Variants in PPP6R3 observed in about 807,000 individuals in gnomAD.
PPP6R3 encodes serine/threonine-protein phosphatase 6 regulatory subunit 3.
In PPP6R3, 38 loss-of-function variants were observed where a neutral mutation model predicts 110.7. That is an observed-to-expected ratio of 0.34 (90% CI 0.26 to 0.45). PPP6R3 has a LOEUF of 0.45. PPP6R3 is among the 20% of genes least tolerant of loss of function. The probability of loss-of-function intolerance (pLI) is 1.00; values close to 1 mark genes in which losing one functional copy is unlikely to be tolerated. For synonymous variants in PPP6R3, 369 were observed against 373.5 expected, an observed-to-expected ratio of 0.99 and a Z score of 0.14; for missense variants, 870 against 1,062.4, an observed-to-expected ratio of 0.82 and a Z score of 2.52.
chr11:68,596,347 A>C (rs1405926610), intron 19 of PPP6R3, 129 bp downstream of exon 19: 2 of 1,284,018 alleles, frequency 1.6e-6, no homozygotes, highest in African/African-American at 1.5e-5. Context: ...GCGTGTTGTC[A>C]AGTGAATTCC....
rs1450944056 is a variant in PPP6R3 at position 68,587,956 on chromosome 11, G to A, written c.1662G>A (p.Met554Ile). ...QAFSDYQMQQ[M>I]TSNFIDQFGF... ...TTTCTGATTATCAGATGCAACAAATGACGTCCAATTTTATTGACCAGTTTG... is the reference window on the plus strand; with the variant it reads ...TTTCTGATTATCAGATGCAACAAATAACGTCCAATTTTATTGACCAGTTTG... The change falls in exon 16 of 24, where the codon ATG becomes ATA. Residue 554 changes from methionine (M) to isoleucine (I), a missense_variant. Coordinates refer to ENST00000393800, the MANE Select transcript of PPP6R3 (RefSeq NM_001164161.2). 2 of 1,614,196 alleles carry A rather than the reference G, an allele frequency of 1.2e-6. No homozygotes were observed. Among genetic ancestry groups the A allele is most frequent in the Non-Finnish European group, 1.7e-6 (2 of 1,180,036 alleles).
intron 14 of PPP6R3, among the ~76,000 whole-genome samples, chr11:68,576,826 T>C (rs2099533500): frequency 6.6e-6 from 1 of 152,290 alleles, no homozygotes; most frequent in Non-Finnish European, 1.5e-5. Context: ...GAATTTCTAA[T>C]ATGCAGTAAC....
chr11:68,509,379 A>G (rs1347905272), intron 1 of PPP6R3, among the ~76,000 whole-genome samples: 1 of 151,950 alleles, frequency 6.6e-6, no homozygotes, highest in Non-Finnish European at 1.5e-5. Flanking sequence ...TGATTTCTTC[A>G]ACCGTGCTTG....
At chr11:68,564,185 C>CT in intron 8 of PPP6R3, 118 bp from the exon 9 acceptor site, 2 of 1,111,346 alleles carry the variant, frequency 1.8e-6, no homozygotes, top group Non-Finnish European at 1.3e-6. Context: ...TTTTCCTAGC[C>CT]TTTTTTCCCG....
chr11:68,588,360 TGTG>T (rs1384656851), intron 16 of PPP6R3, among the ~76,000 whole-genome samples: 2 of 151,958 alleles, frequency 1.3e-5, no homozygotes, highest in Admixed American at 6.6e-5. Flanking sequence ...ATTAGCCAGT[TGTG>T]GTGGCAGGCA....
rs183055253 is a variant in PPP6R3, at chr11:68,566,599, G to A, written c.976-415G>A. Reference sequence around the variant, plus strand: ...TGGTCTCAAACTCCTGGGTTCAAGCGATCCACCCACCTCGGCCTCTCAAAG... The same window carrying A: ...TGGTCTCAAACTCCTGGGTTCAAGCAATCCACCCACCTCGGCCTCTCAAAG... On this transcript the variant is annotated intron_variant, in intron 9 of 23. Coordinates refer to ENST00000393800, the MANE Select transcript of PPP6R3 (RefSeq NM_001164161.2). 2.6e-4 allele frequency among the ~76,000 whole-genome samples: 39 copies of A among 152,186 alleles called. No individual in the cohort carries two copies. In the East Asian group the frequency reaches 6.7e-3, roughly 26 times the overall value.
chr11:68,474,259 T>C (rs1051392721), intron 1 of PPP6R3, among the ~76,000 whole-genome samples: 14 of 152,206 alleles, frequency 9.2e-5, no homozygotes, highest in Admixed American at 9.2e-4. Flanking sequence ...TTGCCTAGGC[T>C]GGTCTCGAAC....
intron 1 of PPP6R3, among the ~76,000 whole-genome samples, chr11:68,517,893 G>C (rs990824123): frequency 8.3e-4 from 125 of 151,446 alleles, no homozygotes; most frequent in African/African-American, 2.8e-3. Flanking sequence ...AGCTGAGATT[G>C]CACCACTGCA....
intron 1 of PPP6R3, among the ~76,000 whole-genome samples, chr11:68,516,332 C>CT (rs1369004802): frequency 6.6e-6 from 1 of 152,156 alleles, no homozygotes; most frequent in African/African-American, 2.4e-5. Flanking sequence ...CCTCATGTGA[C>CT]TGGTTGCAGT....
chr11:68,463,540 G>A (rs2098723569), intron 1 of PPP6R3, among the ~76,000 whole-genome samples: 1 of 151,974 alleles, frequency 6.6e-6, no homozygotes, highest in African/African-American at 2.4e-5. Context: ...TTGTGTGTGT[G>A]TGTGTTTTGG....
At chr11:68,573,456 C>T (rs772747404) in intron 12 of PPP6R3, among the ~76,000 whole-genome samples, 3 of 151,768 alleles carry the variant, frequency 2.0e-5, no homozygotes, top group Non-Finnish European at 2.9e-5. Flanking sequence ...TGGCCTGATA[C>T]GAATTAAGTG....
At chr11:68,588,221 G>A (rs774149931) in intron 16 of PPP6R3, among the ~76,000 whole-genome samples, 197 bp downstream of exon 16, 14 of 152,104 alleles carry the variant, frequency 9.2e-5, no homozygotes, top group Non-Finnish European at 1.8e-4. Context: ...TGCAGTGGCC[G>A]GGTGCGGTGG....
At chr11:68,556,854 T>C (rs1404560436) in intron 7 of PPP6R3, among the ~76,000 whole-genome samples, 3 of 152,226 alleles carry the variant, frequency 2.0e-5, no homozygotes, top group African/African-American at 7.2e-5. Flanking sequence ...ATTGTGGTAT[T>C]GTATTTTGAC....
chr11:68,523,764 T>A (rs1197857017), intron 2 of PPP6R3, among the ~76,000 whole-genome samples: 1 of 141,704 alleles, frequency 7.1e-6, no homozygotes, highest in Non-Finnish European at 1.5e-5. Context: ...TAGATTATAA[T>A]ATGTTATTCT....
At chr11:68,551,029 A>T in intron 5 of PPP6R3, 92 bp from the exon 6 acceptor site, 1 of 902,726 alleles carries the variant, frequency 1.1e-6, no homozygotes. Context: ...TCTACTTAAA[A>T]TGTGATGGAT....
In PPP6R3 at chr11:68,576,075, T is replaced by A. The variant is rs745697993; in HGVS notation, c.1545+32T>A. ...TTTACAAGGTTACATTTTTATTCTTTCAGTGCTCTTAGCCTTTGCCCATTT... is the reference window on the plus strand; with the variant it reads ...TTTACAAGGTTACATTTTTATTCTTACAGTGCTCTTAGCCTTTGCCCATTT... On this transcript the variant is annotated intron_variant, in intron 14 of 23. Coordinates refer to ENST00000393800, the MANE Select transcript of PPP6R3 (RefSeq NM_001164161.2). The A allele has an allele frequency of 4.7e-6, 7 of 1,474,836 alleles. No individual in the cohort carries two copies. The African/African-American group carries it at 9.8e-5, about 21-fold the overall frequency. 91.4% of individuals were successfully genotyped at this position (1,474,836 alleles called of 1,614,324 possible). A position where few individuals can be genotyped will look rare whatever the true frequency, so the allele number is the denominator to read the frequency against.
At chr11:68,562,830 A>G (rs1221010071) in intron 8 of PPP6R3, among the ~76,000 whole-genome samples, 1 of 152,246 alleles carries the variant, frequency 6.6e-6, no homozygotes, top group African/African-American at 2.4e-5. Flanking sequence ...TTTGTCTCAG[A>G]GTCATGTACA....
chr11:68,481,797 ATTTTGCTTGCT>A (rs1429403311), intron 1 of PPP6R3, among the ~76,000 whole-genome samples: 3 of 152,002 alleles, frequency 2.0e-5, no homozygotes, highest in Non-Finnish European at 4.4e-5. Context: ...GTGTGTCTTT[ATTTTGCTTGCT>A]GAGTCCCTGC....
chr11:68,600,970 A>G (rs190389306), intron 20 of PPP6R3, among the ~76,000 whole-genome samples: 4 of 152,340 alleles, frequency 2.6e-5, no homozygotes, highest in African/African-American at 4.8e-5. Flanking sequence ...AGTGCTGTCA[A>G]TTAAGGGCTC....
Sources: allele counts gnomAD v4.1 joint callset (sites outside exome capture counted in the v4.1 genomes callset), GRCh38; gene constraint gnomAD v4.1.1; transcripts MANE v1.5; gene names NCBI Gene and HGNC (gene_info 2026-07-23, HGNC 2026-07-21).